TACC1: variants seen among roughly 807,000 people sequenced by gnomAD.
TACC1 encodes the protein transforming acidic coiled-coil-containing protein 1.
A neutral mutation model predicts 84.4 loss-of-function variants in TACC1; 48 were observed. The ratio of observed to expected loss-of-function variants is 0.57; its 90% CI spans 0.45 to 0.72. The LOEUF (loss-of-function observed/expected upper bound fraction) is 0.72. Ranked by LOEUF, TACC1 falls within the 30% of genes least tolerant of loss-of-function variation. TACC1 has a pLI of 0.00. For synonymous variants in TACC1, 372 were observed against 376.3 expected (o/e 0.99, Z 0.13); for missense variants, 920 against 973.0 (o/e 0.95, Z 0.72).
At chr8:38,736,024 G>A (rs1805892101) in intron 1 of TACC1, among the ~76,000 whole-genome samples, 1 of 152,208 alleles carries the variant, frequency 6.6e-6, no homozygotes, top group Non-Finnish European at 1.5e-5. Flanking sequence ...ACTCCCTCCA[G>A]TGGCTCCAGG....
At chr8:38,749,566 A>G (rs1181769035) in intron 3 of TACC1, among the ~76,000 whole-genome samples, 1 of 152,082 alleles carries the variant, frequency 6.6e-6, no homozygotes, top group Non-Finnish European at 1.5e-5. Flanking sequence ...TCAAGGGGCA[A>G]TGCAAAGTTT....
At chr8:38,797,945 G>A (rs1024129463) in intron 2 of TACC1, among the ~76,000 whole-genome samples, 1 of 152,160 alleles carries the variant, frequency 6.6e-6, no homozygotes, top group Non-Finnish European at 1.5e-5. Flanking sequence ...AATCCAGATG[G>A]TTCCAGAACC....
intron 2 of TACC1, among the ~76,000 whole-genome samples, chr8:38,800,883 A>G (rs1821193688): frequency 2.6e-5 from 4 of 152,094 alleles, no homozygotes; most frequent in South Asian, 2.1e-4. Context: ...GAGCGTTTCA[A>G]TTTCTCCATA....
At position 38,848,221 on chromosome 8, in the gene TACC1, T is replaced by C; in HGVS notation, c.*198T>C. On this transcript the variant is annotated 3_prime_UTR_variant, in exon 13 of 13. Coordinates refer to ENST00000317827, the MANE Select transcript of TACC1 (RefSeq NM_006283.3). ...AGAAACCCTAGAGGGTTGCATAGTC[T>C]AGAAAGGAGTGTGACCTGACAGTGC... 3 of 472,578 alleles carry C rather than the reference T, an allele frequency of 6.3e-6. No homozygotes were observed. Among genetic ancestry groups the C allele is most frequent in the Non-Finnish European group, 1.1e-5 (3 of 268,128 alleles). 29.3% of individuals were successfully genotyped at this position (472,578 alleles called of 1,614,324 possible).
chr8:38,819,373 C>A, intron 2 of TACC1, 149 bp from the exon 3 acceptor site: 1 of 902,080 alleles, frequency 1.1e-6, no homozygotes. Flanking sequence ...CTCTTTCAGG[C>A]TGTGCTGCCA....
At chr8:38,783,285 G>A (rs1337112588), upstream of TACC1, among the ~76,000 whole-genome samples, 4 of 151,870 alleles carry the variant, frequency 2.6e-5, no homozygotes, top group Non-Finnish European at 4.4e-5. Context: ...ATCAATGGGT[G>A]GATATGACAA....
intron 2 of TACC1, among the ~76,000 whole-genome samples, chr8:38,789,789 G>A (rs1818205562): frequency 6.6e-6 from 1 of 152,192 alleles, no homozygotes; most frequent in African/African-American, 2.4e-5. Flanking sequence ...GCTGCAGGGA[G>A]GCCGTAAGGT....
rs1014683581 is a variant in TACC1 at position 38,848,185 on chromosome 8, A to G, written c.*162A>G. 1.9e-5 allele frequency: 12 copies of G among 632,072 alleles called. No homozygotes were observed. The East Asian group carries it at 2.8e-4, about 15-fold the overall frequency. 39.2% of individuals were successfully genotyped at this position (632,072 alleles called of 1,614,324 possible). A position where few individuals can be genotyped will look rare whatever the true frequency, so the allele number is the denominator to read the frequency against. On this transcript the variant is annotated 3_prime_UTR_variant, in exon 13 of 13. Coordinates refer to ENST00000317827, the MANE Select transcript of TACC1 (RefSeq NM_006283.3). ...CCTGTCCCGCTTTGCTGCCAATGCA[A>G]CAGCCCTGGAAGAAACCCTAGAGGG... is the stretch of plus-strand genomic sequence containing the variant.
At chr8:38,838,605 C>A in intron 8 of TACC1, 59 bp downstream of exon 8, 2 of 1,365,276 alleles carry the variant, frequency 1.5e-6, no homozygotes, top group Non-Finnish European at 2.1e-6. Context: ...AGATTTGATA[C>A]AGATGAAGTG....
intron 2 of TACC1, among the ~76,000 whole-genome samples, chr8:38,815,184 G>T (rs1271655378): frequency 6.6e-6 from 1 of 152,150 alleles, no homozygotes; most frequent in Non-Finnish European, 1.5e-5. Context: ...GGGTTTTCAA[G>T]ATCTGTTACT....
At chr8:38,812,779 T>A (rs952887361) in intron 2 of TACC1, among the ~76,000 whole-genome samples, 2 of 152,216 alleles carry the variant, frequency 1.3e-5, no homozygotes, top group African/African-American at 4.8e-5. Flanking sequence ...CTTCATTCTT[T>A]CAGTATTATT....
At chr8:38,758,475 C>T (rs565811013) in intron 3 of TACC1, among the ~76,000 whole-genome samples, 10 of 151,974 alleles carry the variant, frequency 6.6e-5, no homozygotes, top group Middle Eastern at 3.4e-3. Flanking sequence ...GTCAGGAGTT[C>T]GTAGACCAGC....
chr8:38,831,290 G>T, intron 6 of TACC1, 113 bp downstream of exon 6: 5 of 1,053,054 alleles, frequency 4.7e-6, no homozygotes, highest in Non-Finnish European at 7.3e-6. Flanking sequence ...AGGATAAAAT[G>T]TAAATGAGAT....
intron 2 of TACC1, among the ~76,000 whole-genome samples, chr8:38,804,011 A>C (rs1034325945): frequency 6.6e-6 from 1 of 151,892 alleles, no homozygotes; most frequent in African/African-American, 2.4e-5. Context: ...GAATTGATCT[A>C]TTTTATCGAA....
chr8:38,837,856 C>T (rs559405779), intron 7 of TACC1, among the ~76,000 whole-genome samples: 8 of 152,364 alleles, frequency 5.3e-5, no homozygotes, highest in African/African-American at 1.7e-4. Context: ...AGAGTATTTC[C>T]TTCCAGTTAG....
At chr8:38,784,679 G>T (rs1816776527), upstream of TACC1, among the ~76,000 whole-genome samples, 1 of 152,206 alleles carries the variant, frequency 6.6e-6, no homozygotes, top group Non-Finnish European at 1.5e-5. Flanking sequence ...TCCCCAGGGG[G>T]AGTCAGGCTT....
intron 3 of TACC1, among the ~76,000 whole-genome samples, chr8:38,777,270 A>G (rs181383969): frequency 0.015 from 2,210 of 150,322 alleles, 58 homozygotes; most frequent in African/African-American, 0.049. Context: ...AAAAAAAAAA[A>G]AGAGAAGATA....
chr8:38,804,111 G>A (rs1822078770), intron 2 of TACC1, among the ~76,000 whole-genome samples: 4 of 151,984 alleles, frequency 2.6e-5, no homozygotes, highest in Admixed American at 1.3e-4. Flanking sequence ...TTTTACACAG[G>A]GTTGATTTGA....
rs1193482855 is a variant in TACC1 at position 38,848,655 on chromosome 8, C to T, written c.*632C>T. On this transcript the variant is annotated 3_prime_UTR_variant, in exon 13 of 13. Transcript: ENST00000317827. ...GTGAGACCCTATTTTGAAATAGAGT[C>T]CTGACTCAGAACACCAACTTAAGAA... 1 of 152,594 alleles carries T rather than the reference C, an allele frequency of 6.6e-6. No individual in the cohort carries two copies. Among genetic ancestry groups the T allele is most frequent in the African/African-American group, 2.4e-5 (1 of 41,440 alleles). 9.5% of individuals were successfully genotyped at this position (152,594 alleles called of 1,614,324 possible). A position where few individuals can be genotyped will look rare whatever the true frequency, so the allele number is the denominator to read the frequency against.
Sources: gnomAD v4.1 joint callset for allele counts (sites outside exome capture counted in the v4.1 genomes callset) on GRCh38, gnomAD v4.1.1 for gene constraint, MANE v1.5 for transcripts, NCBI Gene and HGNC (gene_info 2026-07-23, HGNC 2026-07-21) for gene names.